Variants in DNAH17 observed in about 807,000 individuals in gnomAD.
DNAH17 encodes the protein axonemal beta dynein heavy chain 17.
Under a neutral mutation model 485.6 loss-of-function variants are expected in DNAH17, and 376 were observed. That is an observed-to-expected ratio of 0.77 (90% CI 0.71 to 0.84). The LOEUF is 0.84. Among genes scored for constraint, DNAH17 ranks in the 40% least tolerant of loss-of-function variants. DNAH17 has a pLI of 0.00. For synonymous variants in DNAH17, 3,031 were observed against 2,405.9 expected, an observed-to-expected ratio of 1.26 and a Z score of -7.60; for missense variants, 6,370 against 5,839.3, an observed-to-expected ratio of 1.09 and a Z score of -2.96.
intron 11 of DNAH17, among the ~76,000 whole-genome samples, chr17:78,565,811 G>A (rs2092254673): frequency 6.6e-6 from 1 of 152,154 alleles, no homozygotes; most frequent in African/African-American, 2.4e-5. Context: ...TTAGCCAGGT[G>A]TGGTGGCGTA....
Position 78,574,962 on chromosome 17 carries a change from G to T in DNAH17, c.96C>A (p.Gly32=), listed in dbSNP as rs61744326. 1 of 1,613,858 alleles carries T rather than the reference G, an allele frequency of 6.2e-7. No homozygotes were observed. The highest frequency in any genetic ancestry group is 1.3e-5 in the African/African-American group (1 of 74,928). ...TGAACAGGGCCACGTTCTCCTCGGC[G>T]CCTATCAGCTTGCTCCACTTGTCCG... ...FKPDKWSKLI[G]AEENVALFTE... is the part of the protein sequence containing the mutation. Residue 32 remains glycine (G), a synonymous_variant, in exon 2 of 81, where the codon GGC becomes GGA. Coordinates refer to ENST00000389840, the MANE Select transcript of DNAH17 (RefSeq NM_173628.4).
chr17:78,427,558 G>C (rs2086519664), intron 77 of DNAH17, among the ~76,000 whole-genome samples: 1 of 152,204 alleles, frequency 6.6e-6, no homozygotes, highest in African/African-American at 2.4e-5. Context: ...CCTGATTTCA[G>C]TCATTAGACT....
chr17:78,558,899 C>T (rs182532596), intron 13 of DNAH17, among the ~76,000 whole-genome samples: 16 of 152,304 alleles, frequency 1.1e-4, no homozygotes, highest in Non-Finnish European at 1.5e-4. Context: ...GGTCACATCA[C>T]GGGCCTCATC....
rs973714810 is a variant in DNAH17, at chr17:78,459,648, T to C, written c.9653+136A>G. 2.4e-5 allele frequency: 22 copies of C among 903,582 alleles called. No homozygotes were observed. The African/African-American group carries it at 2.7e-4, about 11-fold the overall frequency. 56.0% of individuals were successfully genotyped at this position (903,582 alleles called of 1,614,324 possible). ...CTTGTCAGCTGTGTTCTTGGGGTGC[T>C]GTATGGGGAAGGGGCTGCCTAGATT... On this transcript the variant is annotated intron_variant, in intron 60 of 80. Coordinates refer to ENST00000389840, the MANE Select transcript of DNAH17 (RefSeq NM_173628.4).
intron 8 of DNAH17, 35 bp from the exon 9 acceptor site, chr17:78,569,287 G>T (rs766854498): frequency 2.5e-6 from 4 of 1,596,128 alleles, no homozygotes; most frequent in Admixed American, 1.8e-5. Flanking sequence ...GGCCACGTTT[G>T]CTTCAAATGT....
chr17:78,432,841 T>C lies in DNAH17; in HGVS notation c.12225+1188A>G, dbSNP rs141423753. Among the ~76,000 whole-genome samples the C allele has an allele frequency of 6.1e-3, 909 of 149,562 alleles. 13 individuals are homozygous for C. Among genetic ancestry groups the C allele is most frequent in the African/African-American group, 0.022 (876 of 40,192 alleles). ...GTGGAGGCCCATGAGGAAGCAGGCT[T>C]AGCGGTCCAGTGACTTGCTGGAGGT... On this transcript the variant is annotated intron_variant, in intron 75 of 80. Coordinates refer to ENST00000389840, the MANE Select transcript of DNAH17 (RefSeq NM_173628.4).
chr17:78,450,428 G>A (rs1273987849), intron 67 of DNAH17, 34 bp from the exon 68 acceptor site: 1 of 1,610,842 alleles, frequency 6.2e-7, no homozygotes, highest in Non-Finnish European at 8.5e-7. Context: ...GAATGACACA[G>A]CAGATGGGCA....
At chr17:78,503,090 T>C (rs971854872) in intron 31 of DNAH17, 79 bp from the exon 32 acceptor site, 8 of 1,480,062 alleles carry the variant, frequency 5.4e-6, no homozygotes, top group Non-Finnish European at 7.2e-6. Context: ...GTATTTGTTG[T>C]AAAGAAAAAC....
Position 78,503,242 on chromosome 17 carries a change from T to C in DNAH17, c.4957-231A>G, listed in dbSNP as rs12451828. Among the ~76,000 whole-genome samples the C allele has an allele frequency of 0.23, 32,131 of 138,716 alleles. 4,027 individuals are homozygous for C. The highest frequency in any genetic ancestry group is 0.34 in the South Asian group (1,439 of 4,178). The allele number at this position is 138,716 out of a possible 152,430, so 91.0% of individuals were successfully genotyped here. On this transcript the variant is annotated intron_variant, in intron 31 of 80. Coordinates refer to ENST00000389840, the MANE Select transcript of DNAH17 (RefSeq NM_173628.4). The stretch of plus-strand genomic sequence containing the variant: ...TCACCCAGGCTGGAGTGCAGTGGCA[T>C]GATCTCGGCTCATTGCAAGCTCCAC...
chr17:78,441,330 G>A (rs2087068163), intron 71 of DNAH17, 131 bp from the exon 72 acceptor site: 1 of 985,500 alleles, frequency 1.0e-6, no homozygotes, highest in South Asian at 1.7e-5. Context: ...AAGGCCTGTG[G>A]CAGGAGAGCA....
intron 25 of DNAH17, among the ~76,000 whole-genome samples, chr17:78,524,765 AAAAG>A (rs1450173194): frequency 6.6e-6 from 1 of 152,174 alleles, no homozygotes; most frequent in Non-Finnish European, 1.5e-5. Flanking sequence ...GGGAGGGGAA[AAAAG>A]AAAGGGGGGC....
At chr17:78,544,086 T>C in intron 16 of DNAH17, 89 bp from the exon 17 acceptor site, 1 of 1,565,966 alleles carries the variant, frequency 6.4e-7, no homozygotes, top group Non-Finnish European at 8.7e-7. Flanking sequence ...GATGTGAGTT[T>C]CGTCACTGCT....
chr17:78,464,736 C>T (rs75360556), intron 56 of DNAH17, among the ~76,000 whole-genome samples: 16 of 152,350 alleles, frequency 1.1e-4, no homozygotes, highest in Admixed American at 7.2e-4. Context: ...TCTGTCCGCA[C>T]GCTGCATGTC....
Position 78,532,578 on chromosome 17 carries a change from C to T in DNAH17, c.3018G>A (p.Leu1006=), listed in dbSNP as rs200385060. 1.2e-5 allele frequency: 20 copies of T among 1,609,384 alleles called. No individual in the cohort carries two copies. In the African/African-American group the frequency reaches 2.1e-4, roughly 17 times the overall value. The part of the protein sequence containing the change: ...DNLQEFMKNF[L]IYGCAVTAED... Reference sequence around the variant, plus strand: ...CCGCAGTGACTGCACACCCATATATCAGGAAATTCTTCATAAACTCCTGCA... The same window carrying T: ...CCGCAGTGACTGCACACCCATATATTAGGAAATTCTTCATAAACTCCTGCA... The change falls in exon 20 of 81, where the codon CTG becomes CTA. Residue 1006 remains leucine (L), a synonymous_variant. Coordinates refer to ENST00000389840, the MANE Select transcript of DNAH17 (RefSeq NM_173628.4).
At chr17:78,544,800 C>CAAAAAAAAAAAAAAAAAA (rs55669221) in intron 16 of DNAH17, among the ~76,000 whole-genome samples, 4 of 46,880 alleles carry the variant, frequency 8.5e-5, no homozygotes, top group African/African-American at 3.9e-4. Context: ...GACTCAGTCT[C>CAAAAAAAAAAAAAAAAAA]AAAAAAAAAA....
At position 78,441,076 on chromosome 17, in the gene DNAH17, G is replaced by A. The variant is rs1264950069; in HGVS notation, c.11652C>T (p.Asp3884=). The part of the protein sequence containing the change: ...SIFFILSPGV[D]PLKDVEALGK... ...CCAGGGCTTCCACGTCTTTCAAGGG[G>A]TCAACCCCCGGGGAGAGGATGAAGA... The change falls in exon 72 of 81, where the codon GAC becomes GAT. Residue 3884 remains aspartate (D), a synonymous_variant. Coordinates refer to ENST00000389840, the MANE Select transcript of DNAH17 (RefSeq NM_173628.4). The A allele has an allele frequency of 1.2e-6, 2 of 1,605,232 alleles. No homozygotes were observed. Among genetic ancestry groups the A allele is most frequent in the Non-Finnish European group, 1.7e-6 (2 of 1,175,652 alleles).
chr17:78,460,455 G>C (rs897475518), intron 58 of DNAH17, among the ~76,000 whole-genome samples, 198 bp from the exon 59 acceptor site: 1 of 152,164 alleles, frequency 6.6e-6, no homozygotes, highest in Non-Finnish European at 1.5e-5. Context: ...TGCATGTGTA[G>C]GCAGCAGTGG....
Position 78,532,724 on chromosome 17 carries a change from C to T in DNAH17, c.2872G>A (p.Asp958Asn), listed in dbSNP as rs1330629795. Residue 958 changes from aspartate (D) to asparagine (N), a missense_variant, in exon 20 of 81, where the codon GAT becomes AAT. Transcript: ENST00000389840. ...CTCATCTCTATGAGGTCTGTGTTAT[C>T]TTCCAGGTCCATCTGAAAGGGGCAG... ...DRMNYKMDLE[D>N]NTDLIEMREE... 10 of 1,591,570 alleles carry T rather than the reference C, an allele frequency of 6.3e-6. No individual in the cohort carries two copies. The highest frequency in any genetic ancestry group is 8.6e-6 in the Non-Finnish European group (10 of 1,167,472).
rs769404471 is a variant in DNAH17, at chr17:78,569,506, C to T, written c.1066G>A (p.Glu356Lys). Residue 356 changes from glutamate (E) to lysine (K), a missense_variant, in exon 8 of 81, where the codon GAA (glutamate) becomes AAA (lysine). Transcript: ENST00000389840. Reference sequence around the variant, plus strand: ...CCTTGCAGGCCCTTCAGCACCTCTTCCGGGCTCAGGAAGGTTCGTGTCTGG... The same window carrying T: ...CCTTGCAGGCCCTTCAGCACCTCTTTCGGGCTCAGGAAGGTTCGTGTCTGG... ...IEMTRTFLSP[E>K]EVLKGLQGEI... 1.2e-6 allele frequency: 2 copies of T among 1,608,290 alleles called. No homozygotes were observed. Among genetic ancestry groups the T allele is most frequent in the African/African-American group, 1.3e-5 (1 of 74,866 alleles).
Sources: gnomAD v4.1 joint callset for allele counts (sites outside exome capture counted in the v4.1 genomes callset) on GRCh38, gnomAD v4.1.1 for gene constraint, MANE v1.5 for transcripts, NCBI Gene and HGNC (gene_info 2026-07-23, HGNC 2026-07-21) for gene names.